Variants in TOLLIP observed in about 807,000 individuals in gnomAD.
TOLLIP encodes toll interacting protein.
Under a neutral mutation model 33.5 loss-of-function variants are expected in TOLLIP, and 16 were observed. That is an observed-to-expected ratio of 0.48 (90% confidence interval 0.32 to 0.72). The LOEUF is 0.72. Ranked by LOEUF, TOLLIP falls within the 30% of genes least tolerant of loss-of-function variation. The pLI is 0.03. For missense variants in TOLLIP, 325 were observed against 396.6 expected (o/e 0.82, Z 1.53); for synonymous variants, 176 against 163.7 (o/e 1.07, Z -0.57).
intron 1 of TOLLIP, 40 bp downstream of exon 1, chr11:1,309,426 A>G: frequency 2.5e-6 from 3 of 1,209,234 alleles, no homozygotes; most frequent in Non-Finnish European, 3.1e-6. Flanking sequence ...CCGCAACCGC[A>G]GGTCACCGCC....
In TOLLIP at chr11:1,309,543, G is replaced by GCAGGAGGTCGC; in HGVS notation, c.-46_-45insGCGACCTCCTG. 1 of 1,244,996 alleles carries GCAGGAGGTCGC rather than the reference G, an allele frequency of 8.0e-7. No homozygotes were observed. Among genetic ancestry groups the GCAGGAGGTCGC allele is most frequent in the Non-Finnish European group, 1.0e-6 (1 of 978,034 alleles). 77.1% of individuals were successfully genotyped at this position (1,244,996 alleles called of 1,614,324 possible). A position where few individuals can be genotyped will look rare whatever the true frequency, so the allele number is the denominator to read the frequency against. ...TGGCTCGCCGACCCGACAGTGACGC[G>GCAGGAGGTCGC]CCGGGCGACCTCCTGCGCCCCCGCC... is the stretch of plus-strand genomic sequence containing the variant. On this transcript the variant is annotated 5_prime_UTR_variant, in exon 1 of 6. Transcript: ENST00000317204.
rs1863398216 is a variant in TOLLIP at position 1,278,941 on chromosome 11, TC to T, written c.611-1689del. On this transcript the variant is annotated intron_variant, in intron 5 of 5. Transcript: ENST00000317204. This position sits in a 1 kb window ranked among gnomAD's most constrained non-coding sequence, Gnocchi z 4.7. Reference sequence around the variant, plus strand: ...CATCACCTGTCCCTGCCCATACAGCTCCCCACAGCATGGCAACAAGAGGAAT... The same window carrying T: ...CATCACCTGTCCCTGCCCATACAGCTCCCACAGCATGGCAACAAGAGGAAT... Among the ~76,000 whole-genome samples, 1 of 151,944 alleles carries T rather than the reference TC, an allele frequency of 6.6e-6. No individual in the cohort carries two copies. The highest frequency in any genetic ancestry group is 3.2e-3 in the Middle Eastern group (1 of 316).
At chr11:1,286,373 G>A (rs1437067213) in intron 4 of TOLLIP, among the ~76,000 whole-genome samples, 1 of 152,208 alleles carries the variant, frequency 6.6e-6, no homozygotes, top group Admixed American at 6.5e-5. Context: ...GTGACAGGAG[G>A]GACATCCCAG....
intron 2 of TOLLIP, among the ~76,000 whole-genome samples, chr11:1,293,017 T>C (rs1456051492): frequency 1.3e-5 from 2 of 152,092 alleles, no homozygotes; most frequent in Non-Finnish European, 2.9e-5. Context: ...GGACCTACTC[T>C]GGCCACGCTG....
rs1352622960 is a variant in TOLLIP, at chr11:1,303,811, G to A, written c.33+5655C>T. Among the ~76,000 whole-genome samples the A allele has an allele frequency of 4.6e-5, 7 of 152,174 alleles. No homozygotes were observed. Among genetic ancestry groups the A allele is most frequent in the South Asian group, 2.1e-4 (1 of 4,830 alleles). On this transcript the variant is annotated intron_variant, in intron 1 of 5. Transcript: ENST00000317204. This position sits in a 1 kb window ranked among gnomAD's most constrained non-coding sequence, Gnocchi z 4.2. The stretch of plus-strand genomic sequence containing the variant: ...AAAACTTTGGGAGGCTGAGGTGGGC[G>A]GATCACTTGAGACCAGGAGTTCGAG...
At chr11:1,281,471 A>G (rs1396855307) in intron 5 of TOLLIP, among the ~76,000 whole-genome samples, 1 of 152,092 alleles carries the variant, frequency 6.6e-6, no homozygotes, top group African/African-American at 2.4e-5. Context: ...CTGGGCTCAG[A>G]CACCACGGGA....
In TOLLIP at chr11:1,277,127, T is replaced by G; in HGVS notation, c.737A>C (p.Gln246Pro). ...TTCCAGCACGGAGCGGATCACCTCC[T>G]GGTCCATGTTGGGGAACATGTCCTG... ...AIQDMFPNMD[Q>P]EVIRSVLEAQ... Residue 246 changes from glutamine (Q) to proline (P), a missense_variant, in exon 6 of 6, where the codon CAG (glutamine) becomes CCG (proline). Physicochemically the swap from Gln to Pro is moderately conservative, Grantham distance 76 (BLOSUM62 -1). Coordinates refer to ENST00000317204, the MANE Select transcript of TOLLIP (RefSeq NM_019009.4). This position sits in a 1 kb window ranked among gnomAD's most constrained non-coding sequence, Gnocchi z 4.2. 1.2e-6 allele frequency: 2 copies of G among 1,614,120 alleles called. No homozygotes were observed. Among genetic ancestry groups the G allele is most frequent in the South Asian group, 2.2e-5 (2 of 91,092 alleles).
chr11:1,304,297 C>T (rs1696285797), intron 1 of TOLLIP, among the ~76,000 whole-genome samples: 1 of 151,938 alleles, frequency 6.6e-6, no homozygotes, highest in Admixed American at 6.6e-5. Flanking sequence ...ACAAAAATAG[C>T]TGTCAGGACA....
intron 1 of TOLLIP, among the ~76,000 whole-genome samples, chr11:1,297,372 G>A (rs551670252): frequency 6.6e-6 from 1 of 152,208 alleles, no homozygotes; most frequent in South Asian, 2.1e-4. Context: ...CTAAGGCCTG[G>A]AGCGCACAAG....
intron 5 of TOLLIP, among the ~76,000 whole-genome samples, chr11:1,281,299 C>T (rs887883986): frequency 6.6e-6 from 1 of 152,172 alleles, no homozygotes; most frequent in Non-Finnish European, 1.5e-5. Context: ...TGCGGTCACA[C>T]TTTATTTTTG....
At chr11:1,309,434 G>T in intron 1 of TOLLIP, 32 bp downstream of exon 1, 1 of 1,255,794 alleles carries the variant, frequency 8.0e-7, no homozygotes, top group Non-Finnish European at 1.0e-6. Flanking sequence ...GCAGGTCACC[G>T]CCCCCGCCCG....
rs1863391562 is a variant in TOLLIP at position 1,278,730 on chromosome 11, TCATCA to T, written c.611-1482_611-1478del. Among the ~76,000 whole-genome samples, 9 of 152,318 alleles carry T rather than the reference TCATCA, an allele frequency of 5.9e-5. No homozygotes were observed. In the South Asian group the frequency reaches 1.9e-3, roughly 32 times the overall value. On this transcript the variant is annotated intron_variant, in intron 5 of 5. Transcript: ENST00000317204. The surrounding 1 kb of genome is among the most constrained non-coding windows in gnomAD (Gnocchi z 4.7). ...CACTGGGGAAGCATCATCCCCATGC[TCATCA>T]GCCTTTCGGCAATGACGGAAAACGA...
At chr11:1,281,448 A>G (rs770431240) in intron 5 of TOLLIP, among the ~76,000 whole-genome samples, 1 of 152,054 alleles carries the variant, frequency 6.6e-6, no homozygotes, top group Non-Finnish European at 1.5e-5. Flanking sequence ...TGCACTCTCC[A>G]TAGAGGTGGC....
Position 1,276,621 on chromosome 11 carries a change from G to T in TOLLIP, c.*418C>A, listed in dbSNP as rs1263660446. 4.8e-6 allele frequency: 6 copies of T among 1,261,742 alleles called. No homozygotes were observed. The East Asian group carries it at 1.6e-4, about 35-fold the overall frequency. 78.2% of individuals were successfully genotyped at this position (1,261,742 alleles called of 1,614,324 possible). A position where few individuals can be genotyped will look rare whatever the true frequency, so the allele number is the denominator to read the frequency against. On this transcript the variant is annotated 3_prime_UTR_variant, in exon 6 of 6. Transcript: ENST00000317204. ...TCTAAAAAAAACCCACAGTGTGAGG[G>T]ATTGTGTGTGCCTTAAATCAACAGC...
At chr11:1,299,972 G>A (rs1864219779) in intron 1 of TOLLIP, among the ~76,000 whole-genome samples, 1 of 152,248 alleles carries the variant, frequency 6.6e-6, no homozygotes, top group Non-Finnish European at 1.5e-5. Context: ...GAGCCATAAG[G>A]AGGCCTCTGT....
At position 1,276,330 on chromosome 11, in the gene TOLLIP, G is replaced by A. The variant is rs1003701672; in HGVS notation, c.*709C>T. ...CAGCCTCCGGCGGGCGAAGGACCCG[G>A]CTTCAGATGCCCGCTGGCTGGCAAT... On this transcript the variant is annotated 3_prime_UTR_variant, in exon 6 of 6. Transcript: ENST00000317204. The A allele has an allele frequency of 1.2e-4, 27 of 219,726 alleles. No individual in the cohort carries two copies. Among genetic ancestry groups the A allele is most frequent in the African/African-American group, 5.8e-4 (25 of 43,280 alleles). The allele number at this position is 219,726 out of a possible 1,614,324, so 13.6% of individuals were successfully genotyped here. A position where few individuals can be genotyped will look rare whatever the true frequency, so the allele number is the denominator to read the frequency against.
chr11:1,293,452 C>G (rs972872337), intron 2 of TOLLIP, among the ~76,000 whole-genome samples: 1 of 152,190 alleles, frequency 6.6e-6, no homozygotes, highest in African/African-American at 2.4e-5. Context: ...TGGCATCCCA[C>G]TGGGGCCCCA....
Position 1,290,442 on chromosome 11 carries a change from G to A in TOLLIP, c.184-33C>T. 6.2e-7 allele frequency: 1 copy of A among 1,603,956 alleles called. No homozygotes were observed. The highest frequency in any genetic ancestry group is 8.5e-7 in the Non-Finnish European group (1 of 1,172,430). ...GAAGCCAATGTCAGGAAAAGGAGGTGCCAACCATCAGGAGAGGGTGGGTTC... is the reference window on the plus strand; with the variant it reads ...GAAGCCAATGTCAGGAAAAGGAGGTACCAACCATCAGGAGAGGGTGGGTTC... On this transcript the variant is annotated intron_variant, in intron 2 of 5. Transcript: ENST00000317204. The surrounding 1 kb of genome is among the most constrained non-coding windows in gnomAD (Gnocchi z 4.9).
In TOLLIP at chr11:1,278,900, C is replaced by T. The variant is rs940299352; in HGVS notation, c.611-1647G>A. ...CTTTTTGGGCGCCCCGGCTGGCAGG[C>T]GGGCAGGAACTTGGCCATCACCTGT... On this transcript the variant is annotated intron_variant, in intron 5 of 5. Coordinates refer to ENST00000317204, the MANE Select transcript of TOLLIP (RefSeq NM_019009.4). This position sits in a 1 kb window ranked among gnomAD's most constrained non-coding sequence, Gnocchi z 4.7. Among the ~76,000 whole-genome samples the T allele has an allele frequency of 6.6e-6, 1 of 152,190 alleles. No homozygotes were observed. The highest frequency in any genetic ancestry group is 1.9e-4 in the East Asian group (1 of 5,184).
Sources: gnomAD v4.1 joint callset for allele counts (sites outside exome capture counted in the v4.1 genomes callset) on GRCh38, gnomAD v4.1.1 for gene constraint, Gnocchi (gnomAD v3.1) non-coding constraint, MANE v1.5 for transcripts, NCBI Gene and HGNC (gene_info 2026-07-23, HGNC 2026-07-21) for gene names.